Variants in SHANK2 observed in about 807,000 individuals in gnomAD.
SHANK2 encodes the protein SH3 and multiple ankyrin repeat domains protein 2.
A neutral mutation model predicts 133.7 loss-of-function variants in SHANK2; 43 were observed. The ratio of observed to expected loss-of-function variants is 0.32; its 90% confidence interval spans 0.25 to 0.41. The LOEUF (loss-of-function observed/expected upper bound fraction) is 0.41, where lower values mean the gene tolerates loss of function less well. Ranked by LOEUF, SHANK2 falls within the 10% of genes least tolerant of loss-of-function variation. The pLI, the probability that SHANK2 is intolerant of heterozygous loss-of-function variation, is 1.00. For synonymous variants in SHANK2, 1,017 were observed against 952.8 expected (o/e 1.07, Z -1.24); for missense variants, 1,994 against 2,235.8 (o/e 0.89, Z 2.18).
intron 14 of SHANK2, among the ~76,000 whole-genome samples, chr11:70,720,843 TCA>T (rs1257457352): frequency 1.2e-4 from 18 of 152,332 alleles, no homozygotes; most frequent in Admixed American, 9.2e-4. Context: ...AAACACATCT[TCA>T]CACACACGTA....
At chr11:70,512,109 A>G (rs1229804498) in intron 17 of SHANK2, among the ~76,000 whole-genome samples, 2 of 152,210 alleles carry the variant, frequency 1.3e-5, no homozygotes, top group Admixed American at 6.5e-5. Flanking sequence ...CTTGGCTCAG[A>G]GTTTGTGAAA....
intron 11 of SHANK2, chr11:70,826,732 T>G: frequency 3.1e-6 from 1 of 319,830 alleles, no homozygotes; most frequent in Non-Finnish European, 6.3e-6. Flanking sequence ...CAACTGCACG[T>G]AGACGGGCTG....
At chr11:70,782,856 G>A (rs144993278) in intron 14 of SHANK2, among the ~76,000 whole-genome samples, 295 of 152,328 alleles carry the variant, frequency 1.9e-3, no homozygotes, top group Non-Finnish European at 3.1e-3. Context: ...CGTCCGCAGC[G>A]GAAGGGCCCG....
intron 17 of SHANK2, among the ~76,000 whole-genome samples, chr11:70,623,054 C>G (rs1433736447): frequency 6.6e-6 from 1 of 152,070 alleles, no homozygotes; most frequent in African/African-American, 2.4e-5. Context: ...CACACACCTG[C>G]AATCCCAGCT....
intron 10 of SHANK2, among the ~76,000 whole-genome samples, chr11:70,951,484 G>T (rs1452328792): frequency 6.7e-6 from 1 of 149,988 alleles, no homozygotes; most frequent in East Asian, 2.0e-4. Context: ...TTGCTGCATG[G>T]TGACATCATA....
intron 1 of SHANK2, among the ~76,000 whole-genome samples, chr11:71,250,496 T>C (rs1228952609): frequency 6.6e-6 from 1 of 152,094 alleles, no homozygotes; most frequent in Non-Finnish European, 1.5e-5. Context: ...ATCCCCCTCT[T>C]AGAGCAGACA....
intron 14 of SHANK2, among the ~76,000 whole-genome samples, chr11:70,794,645 C>T (rs575017955): frequency 6.6e-6 from 1 of 152,306 alleles, no homozygotes; most frequent in South Asian, 2.1e-4. Flanking sequence ...GCAACCTCCA[C>T]CTCCCAGGTT....
intron 17 of SHANK2, among the ~76,000 whole-genome samples, chr11:70,568,009 T>C (rs1384890285): frequency 3.3e-5 from 5 of 152,086 alleles, no homozygotes; most frequent in African/African-American, 1.2e-4. Flanking sequence ...AGACAGGATG[T>C]GAAATGGGTC....
chr11:71,135,156 C>A (rs1401614629), intron 3 of SHANK2, among the ~76,000 whole-genome samples: 1 of 152,108 alleles, frequency 6.6e-6, no homozygotes, highest in Admixed American at 6.6e-5. Context: ...AAGCAAAGAC[C>A]CTCTCCCATC....
chr11:70,704,166 C>T (rs940044797), intron 14 of SHANK2, among the ~76,000 whole-genome samples: 1 of 152,356 alleles, frequency 6.6e-6, no homozygotes. Flanking sequence ...CCCAGAGAGA[C>T]GGGCGACTGC....
At chr11:71,180,220 A>C (rs1555113593) in intron 2 of SHANK2, among the ~76,000 whole-genome samples, 1 of 152,208 alleles carries the variant, frequency 6.6e-6, no homozygotes, top group Admixed American at 6.5e-5. Flanking sequence ...ATTACATCTA[A>C]CTCCAGATGT....
At chr11:71,073,809 G>A (rs889581592) in intron 9 of SHANK2, among the ~76,000 whole-genome samples, 2 of 152,128 alleles carry the variant, frequency 1.3e-5, no homozygotes, top group Non-Finnish European at 2.9e-5. Flanking sequence ...CATGCCTGGT[G>A]GGGGTACCAG....
intron 2 of SHANK2, among the ~76,000 whole-genome samples, chr11:71,161,544 C>A (rs1565487385): frequency 6.6e-6 from 1 of 152,194 alleles, no homozygotes; most frequent in Non-Finnish European, 1.5e-5. Flanking sequence ...GGTCTCCAAC[C>A]CCTTATCTTA....
At chr11:71,148,033 C>T (rs1401382323) in intron 2 of SHANK2, among the ~76,000 whole-genome samples, 3 of 151,708 alleles carry the variant, frequency 2.0e-5, no homozygotes, top group African/African-American at 7.3e-5. Context: ...AAAATTACCC[C>T]ACAAAGAGTC....
chr11:71,130,250 C>A (rs1381376152), intron 3 of SHANK2, among the ~76,000 whole-genome samples: 2 of 152,168 alleles, frequency 1.3e-5, no homozygotes, highest in African/African-American at 4.8e-5. Context: ...TGCAACCTAC[C>A]AAGGGCCACC....
intron 17 of SHANK2, among the ~76,000 whole-genome samples, chr11:70,606,982 G>A (rs1481088361): frequency 6.6e-6 from 1 of 152,198 alleles, no homozygotes; most frequent in Admixed American, 6.5e-5. Context: ...GCAGCTCCTA[G>A]ACAGGTGCCT....
chr11:70,552,895 C>T (rs1386400479), intron 17 of SHANK2, among the ~76,000 whole-genome samples: 1 of 152,166 alleles, frequency 6.6e-6, no homozygotes, highest in African/African-American at 2.4e-5. Context: ...GCCTAAACCA[C>T]AGACAGGCTG....
At chr11:70,767,453 C>G (rs1326346586) in intron 14 of SHANK2, among the ~76,000 whole-genome samples, 2 of 152,190 alleles carry the variant, frequency 1.3e-5, no homozygotes, top group Non-Finnish European at 2.9e-5. Flanking sequence ...GTGGGAGCAA[C>G]CCAAGTGTCC....
chr11:71,100,046 CAAAA>C (rs55637618), intron 6 of SHANK2, among the ~76,000 whole-genome samples: 3 of 100,764 alleles, frequency 3.0e-5, no homozygotes, highest in African/African-American at 3.5e-5. Context: ...AAGACCATGT[CAAAA>C]AAAAAAAAAA....
Sources: gnomAD v4.1 joint callset for allele counts (sites outside exome capture counted in the v4.1 genomes callset) on GRCh38, gnomAD v4.1.1 for gene constraint, MANE v1.5 for transcripts, NCBI Gene and HGNC (gene_info 2026-07-23, HGNC 2026-07-21) for gene names.